The following F13A1 variants were observed in gnomAD, a reference collection of about 807,000 sequenced individuals.
F13A1 encodes FSF, A subunit.
In F13A1, 47 loss-of-function variants were observed where a neutral mutation model predicts 80.1. The observed-to-expected ratio is 0.59, with a 90% CI of 0.46 to 0.75. F13A1 has a LOEUF of 0.75. F13A1 is among the 30% of genes least tolerant of loss of function. The pLI is 0.00. For synonymous variants in F13A1, 349 were observed against 344.9 expected (o/e 1.01, Z -0.13); for missense variants, 817 against 930.4 (o/e 0.88, Z 1.59).
intron 6 of F13A1, among the ~76,000 whole-genome samples, chr6:6,236,926 G>T (rs1322664924): frequency 6.6e-6 from 1 of 152,100 alleles, no homozygotes; most frequent in East Asian, 1.9e-4. Context: ...GCTACAGTGT[G>T]GTGGTGACCA....
intron 13 of F13A1, among the ~76,000 whole-genome samples, chr6:6,154,893 C>G (rs9504693): frequency 1.3e-5 from 2 of 152,282 alleles, no homozygotes; most frequent in African/African-American, 4.8e-5. Flanking sequence ...AAAGTGTTTG[C>G]TATGATCACT....
chr6:6,196,346 C>G (rs1441481649), intron 9 of F13A1, among the ~76,000 whole-genome samples: 1 of 152,150 alleles, frequency 6.6e-6, no homozygotes, highest in African/African-American at 2.4e-5. Flanking sequence ...TTTGGCCATG[C>G]CCACCATGCA....
At chr6:6,255,709 C>T (rs1757694876) in intron 4 of F13A1, among the ~76,000 whole-genome samples, 1 of 152,090 alleles carries the variant, frequency 6.6e-6, no homozygotes, top group Non-Finnish European at 1.5e-5. Flanking sequence ...GAGCTCCAGA[C>T]TAGGCCACCC....
chr6:6,173,707 G>T (rs1760818390), intron 12 of F13A1, among the ~76,000 whole-genome samples: 1 of 152,080 alleles, frequency 6.6e-6, no homozygotes, highest in South Asian at 2.1e-4. Flanking sequence ...TTAAGAAGCG[G>T]CCTATGTCAG....
At chr6:6,269,105 G>A (rs1053787285) in intron 3 of F13A1, among the ~76,000 whole-genome samples, 9 of 152,230 alleles carry the variant, frequency 5.9e-5, no homozygotes, top group South Asian at 2.1e-4. Context: ...AATGTCCCAA[G>A]GAAAGTACGT....
chr6:6,273,230 G>A (rs1757945169), intron 3 of F13A1, among the ~76,000 whole-genome samples: 1 of 152,026 alleles, frequency 6.6e-6, no homozygotes, highest in Admixed American at 6.6e-5. Context: ...CTGAACTGAA[G>A]ACATTGTCTA....
chr6:6,190,601 G>A (rs543195926), intron 10 of F13A1, among the ~76,000 whole-genome samples: 33 of 152,038 alleles, frequency 2.2e-4, no homozygotes, highest in Non-Finnish European at 3.4e-4. Context: ...CCAGCTGCAT[G>A]CTGGGAGAAC....
At chr6:6,222,968 G>A (rs1051542096) in intron 7 of F13A1, among the ~76,000 whole-genome samples, 3 of 152,166 alleles carry the variant, frequency 2.0e-5, no homozygotes, top group Non-Finnish European at 4.4e-5. Flanking sequence ...AGCTGCCACG[G>A]GCCTCCCGTT....
chr6:6,155,016 C>A (rs982667371), intron 13 of F13A1, among the ~76,000 whole-genome samples: 2 of 152,138 alleles, frequency 1.3e-5, no homozygotes, highest in South Asian at 4.1e-4. Flanking sequence ...ACTGACCTTT[C>A]CTCTACACAG....
chr6:6,221,877 T>C (rs543294246), intron 8 of F13A1, among the ~76,000 whole-genome samples, 156 bp downstream of exon 8: 64 of 152,346 alleles, frequency 4.2e-4, no homozygotes, highest in Middle Eastern at 3.4e-3. Context: ...TTTCTAATCA[T>C]TTGCTAGAAC....
At chr6:6,284,134 G>A (rs1758104541) in intron 3 of F13A1, among the ~76,000 whole-genome samples, 1 of 152,154 alleles carries the variant, frequency 6.6e-6, no homozygotes, top group Non-Finnish European at 1.5e-5. Context: ...TCAGTAATTA[G>A]GACTGTGATT....
intron 10 of F13A1, among the ~76,000 whole-genome samples, chr6:6,193,818 C>G (rs1019018184): frequency 6.6e-6 from 1 of 152,070 alleles, no homozygotes; most frequent in Non-Finnish European, 1.5e-5. Flanking sequence ...TAGGGGCTCT[C>G]GTAGCATCAT....
At chr6:6,177,518 G>A (rs1194072473) in intron 11 of F13A1, among the ~76,000 whole-genome samples, 1 of 152,222 alleles carries the variant, frequency 6.6e-6, no homozygotes, top group Non-Finnish European at 1.5e-5. Flanking sequence ...CTGAAGGATT[G>A]AGGTTTGGAG....
intron 8 of F13A1, among the ~76,000 whole-genome samples, chr6:6,203,948 CTATT>C (rs1438619234): frequency 2.0e-5 from 3 of 152,058 alleles, no homozygotes; most frequent in African/African-American, 4.8e-5. Flanking sequence ...ACACTGAGGA[CTATT>C]TATTTATTTA....
intron 6 of F13A1, among the ~76,000 whole-genome samples, chr6:6,240,894 GACTTTA>G (rs899681480): frequency 6.6e-6 from 1 of 152,034 alleles, no homozygotes; most frequent in African/African-American, 2.4e-5. Flanking sequence ...GAAATACCTT[GACTTTA>G]ACTTTAATGG....
intron 4 of F13A1, among the ~76,000 whole-genome samples, chr6:6,265,807 G>A (rs1033194483): frequency 5.9e-5 from 9 of 152,118 alleles, no homozygotes; most frequent in Admixed American, 2.6e-4. Flanking sequence ...TATGAACAGC[G>A]TCGACTTTAT....
intron 1 of F13A1, 97 bp downstream of exon 1, chr6:6,320,490 C>A (rs1583132473): frequency 8.2e-6 from 3 of 365,324 alleles, no homozygotes. Flanking sequence ...CGCCACAGGG[C>A]CCAGAGCAAG....
intron 13 of F13A1, 152 bp from the exon 14 acceptor site, chr6:6,152,101 T>C (rs1381584047): frequency 1.1e-6 from 1 of 871,594 alleles, no homozygotes; most frequent in African/African-American, 1.7e-5. Context: ...TTGCTTTGAC[T>C]GGAGGATACC....
chr6:6,293,676 C>T (rs749549363), intron 3 of F13A1, among the ~76,000 whole-genome samples: 2 of 151,350 alleles, frequency 1.3e-5, no homozygotes, highest in Non-Finnish European at 2.9e-5. Context: ...GCACACCATC[C>T]AAGAGCCCTA....
Sources: allele counts gnomAD v4.1 joint callset (sites outside exome capture counted in the v4.1 genomes callset), GRCh38; gene constraint gnomAD v4.1.1; transcripts MANE v1.5; gene names NCBI Gene and HGNC (gene_info 2026-07-23, HGNC 2026-07-21).